Variants in ADCY2 observed in about 807,000 individuals in gnomAD.
ADCY2 encodes the protein adenylate cyclase 2, also known as adenylate cyclase type 2.
A neutral mutation model predicts 125.2 loss-of-function variants in ADCY2; 31 were observed. The observed-to-expected ratio is 0.25, with a 90% CI of 0.19 to 0.33. The LOEUF (loss-of-function observed/expected upper bound fraction) is 0.33. ADCY2 is among the 10% of genes least tolerant of loss of function. The pLI is 1.00. For missense variants in ADCY2, 904 were observed against 1,418.2 expected (o/e 0.64, Z 5.82); for synonymous variants, 512 against 548.4 (o/e 0.93, Z 0.93).
intron 2 of ADCY2, among the ~76,000 whole-genome samples, chr5:7,454,716 G>C (rs185136295): frequency 2.6e-5 from 4 of 152,224 alleles, no homozygotes; most frequent in Admixed American, 2.0e-4. Flanking sequence ...CACTATGCTT[G>C]TTTTGGAAGT....
intron 16 of ADCY2, among the ~76,000 whole-genome samples, chr5:7,763,815 A>G (rs1743305824): frequency 6.6e-6 from 1 of 152,116 alleles, no homozygotes; most frequent in African/African-American, 2.4e-5. Context: ...AGCCCTTATT[A>G]ATTGCCTCTC....
At chr5:7,619,934 G>A (rs542107978) in intron 3 of ADCY2, among the ~76,000 whole-genome samples, 3 of 152,308 alleles carry the variant, frequency 2.0e-5, no homozygotes, top group South Asian at 4.1e-4. Flanking sequence ...GGTTAATTCA[G>A]CTTTCTCTTC....
intron 4 of ADCY2, among the ~76,000 whole-genome samples, chr5:7,678,455 G>A (rs574384931): frequency 1.3e-5 from 2 of 152,136 alleles, no homozygotes; most frequent in South Asian, 4.1e-4. Flanking sequence ...TTCCTTCTCT[G>A]CAGTTCCCCT....
intron 4 of ADCY2, among the ~76,000 whole-genome samples, chr5:7,681,621 A>G (rs1456657462): frequency 6.6e-6 from 1 of 152,138 alleles, no homozygotes; most frequent in African/African-American, 2.4e-5. Context: ...ATTGGCTACA[A>G]TTTTGCTCTG....
At chr5:7,764,337 A>G (rs1240291737) in intron 16 of ADCY2, among the ~76,000 whole-genome samples, 1 of 152,190 alleles carries the variant, frequency 6.6e-6, no homozygotes, top group Non-Finnish European at 1.5e-5. Context: ...TTGTCACTTG[A>G]TTCCTCACAG....
intron 2 of ADCY2, among the ~76,000 whole-genome samples, chr5:7,448,935 C>T (rs1276773560): frequency 1.3e-5 from 2 of 152,068 alleles, no homozygotes; most frequent in Admixed American, 1.3e-4. Flanking sequence ...CTGTAATGGA[C>T]ATATGTGTGT....
chr5:7,563,085 C>A (rs182127129), intron 3 of ADCY2, among the ~76,000 whole-genome samples: 16 of 152,216 alleles, frequency 1.1e-4, no homozygotes, highest in Admixed American at 7.2e-4. Context: ...TTTGATCCCA[C>A]CATATTTGGG....
intron 3 of ADCY2, among the ~76,000 whole-genome samples, chr5:7,539,277 T>C (rs1734918039): frequency 6.6e-6 from 1 of 152,128 alleles, no homozygotes; most frequent in Admixed American, 6.5e-5. Context: ...TGCAAGTTCA[T>C]TGAGCTATCC....
chr5:7,423,968 G>A (rs747027925), intron 2 of ADCY2, among the ~76,000 whole-genome samples: 2 of 152,260 alleles, frequency 1.3e-5, no homozygotes, highest in Non-Finnish European at 1.5e-5. Flanking sequence ...TAAGGAGTCC[G>A]ATGTAAATTA....
At chr5:7,762,879 G>T (rs537790637) in intron 16 of ADCY2, among the ~76,000 whole-genome samples, 1 of 152,094 alleles carries the variant, frequency 6.6e-6, no homozygotes, top group Non-Finnish European at 1.5e-5. Flanking sequence ...GGAGTGGGGG[G>T]CTGTGGGCGC....
intron 23 of ADCY2, among the ~76,000 whole-genome samples, chr5:7,817,823 C>CAAAAAAAAAAAAAAAAA: frequency 1.3e-5 from 1 of 78,300 alleles, no homozygotes. Flanking sequence ...ACGCTGTCAC[C>CAAAAAAAAAAAAAAAAA]AAAAAAAAAA....
chr5:7,496,600 AATAAATTGG>A (rs1460200222), intron 2 of ADCY2, among the ~76,000 whole-genome samples: 1 of 152,186 alleles, frequency 6.6e-6, no homozygotes. Flanking sequence ...TTGTTGTTAA[AATAAATTGG>A]ATAATGCATA....
In ADCY2 at chr5:7,667,132, T is replaced by G. The variant is rs547283719; in HGVS notation, c.721-23559T>G. ...ATTCAGAGCATATGAGCAAATAAAC[T>G]GTCTCACAAGCTGTCAGAAGGGGAG... On this transcript the variant is annotated intron_variant, in intron 4 of 24. Coordinates refer to ENST00000338316, the MANE Select transcript of ADCY2 (RefSeq NM_020546.3). Among the ~76,000 whole-genome samples the G allele has an allele frequency of 1.8e-4, 28 of 152,214 alleles. No homozygotes were observed. The South Asian group carries it at 5.8e-3, about 32-fold the overall frequency.
intron 3 of ADCY2, among the ~76,000 whole-genome samples, chr5:7,546,740 C>A (rs567048934): frequency 6.6e-6 from 1 of 152,314 alleles, no homozygotes; most frequent in African/African-American, 2.4e-5. Context: ...CAAGGCCGTC[C>A]GTGGGCTGTG....
At chr5:7,826,336 C>T (rs1251308172) in intron 24 of ADCY2, among the ~76,000 whole-genome samples, 1 of 152,190 alleles carries the variant, frequency 6.6e-6, no homozygotes, top group Non-Finnish European at 1.5e-5. Context: ...GGTTTACTCT[C>T]TTTCATCCAG....
At chr5:7,523,712 T>C (rs1049536196) in intron 3 of ADCY2, among the ~76,000 whole-genome samples, 2 of 152,244 alleles carry the variant, frequency 1.3e-5, no homozygotes, top group East Asian at 1.9e-4. Flanking sequence ...AAACACTTTA[T>C]TGAATTCTTT....
intron 3 of ADCY2, among the ~76,000 whole-genome samples, chr5:7,524,979 C>T (rs1734405118): frequency 6.6e-6 from 1 of 151,658 alleles, no homozygotes; most frequent in Admixed American, 6.6e-5. Context: ...AATTATACAC[C>T]ATTAGCATCA....
In ADCY2 at chr5:7,708,242, A is replaced by G. The variant is rs113340654; in HGVS notation, c.1401+404A>G. ...TAAAAATCCAATTAAGTAAAATAGG[A>G]TGAACATATACAAAAAAAGAAGAGA... On this transcript the variant is annotated intron_variant, in intron 9 of 24. Transcript: ENST00000338316. The G allele has an allele frequency of 5.5e-3, 868 of 156,586 alleles. 14 individuals are homozygous for G. The highest frequency in any genetic ancestry group is 0.02 in the African/African-American group (815 of 41,716). The allele number at this position is 156,586 out of a possible 1,614,324, so 9.7% of individuals were successfully genotyped here. A position where few individuals can be genotyped will look rare whatever the true frequency, so the allele number is the denominator to read the frequency against.
intron 4 of ADCY2, among the ~76,000 whole-genome samples, chr5:7,680,397 A>G (rs1191712571): frequency 6.6e-6 from 1 of 152,208 alleles, no homozygotes; most frequent in Admixed American, 6.5e-5. Flanking sequence ...GTATAGGCAG[A>G]TGTGGTAAAT....
Sources: gnomAD v4.1 joint callset for allele counts (sites outside exome capture counted in the v4.1 genomes callset) on GRCh38, gnomAD v4.1.1 for gene constraint, MANE v1.5 for transcripts, NCBI Gene and HGNC (gene_info 2026-07-23, HGNC 2026-07-21) for gene names.